VDR: variants seen among roughly 807,000 people sequenced by gnomAD.
VDR encodes the protein vitamin D3 receptor.
VDR carries 19 observed loss-of-function variants against 39.7 expected under a neutral mutation model. That is an observed-to-expected ratio of 0.48 (90% confidence interval 0.33 to 0.70). The LOEUF is 0.70. VDR is among the 30% of genes least tolerant of loss of function. The pLI, the probability that VDR is intolerant of heterozygous loss-of-function variation, is 0.02. For synonymous variants in VDR, 242 were observed against 215.8 expected (o/e 1.12, Z -1.07); for missense variants, 442 against 570.5 (o/e 0.77, Z 2.29).
chr12:47,870,955 T>C (rs957088728), intron 3 of VDR, among the ~76,000 whole-genome samples: 3 of 152,072 alleles, frequency 2.0e-5, no homozygotes, highest in African/African-American at 7.2e-5. Context: ...TCTAAAGGAA[T>C]AAAAAGACCT....
At chr12:47,901,654 CTGTGGGATAG>C (rs1264318732) in intron 1 of VDR, 1 of 153,184 alleles carries the variant, frequency 6.5e-6, no homozygotes, top group Admixed American at 6.5e-5. Context: ...GCCAGACTTT[CTGTGGGATAG>C]TGTGGTCCCC....
chr12:47,855,668 T>C lies in VDR; in HGVS notation c.717A>G (p.Gln239=). The C allele has an allele frequency of 6.2e-7, 1 of 1,614,156 alleles. No homozygotes were observed. Among genetic ancestry groups the C allele is most frequent in the Non-Finnish European group, 8.5e-7 (1 of 1,180,028 alleles). ...TCATCTTAGCAAAGCCAATGACCTT[T>C]TGGATGCTGTAACTGACCAGGTCAG... ...HLADLVSYSI[Q]KVIGFAKMIP... Residue 239 remains glutamine (Q), a synonymous_variant, in exon 7 of 10, where the codon CAA becomes CAG. Transcript: ENST00000549336.
At chr12:47,892,040 C>T (rs907227435) in intron 1 of VDR, among the ~76,000 whole-genome samples, 3 of 152,216 alleles carry the variant, frequency 2.0e-5, no homozygotes, top group Non-Finnish European at 4.4e-5. Context: ...TGCCCCTTCA[C>T]CTAGACATGG....
chr12:47,864,539 G>T (rs1221323938), intron 4 of VDR, among the ~76,000 whole-genome samples: 2 of 152,132 alleles, frequency 1.3e-5, no homozygotes, highest in Non-Finnish European at 2.9e-5. Context: ...GGCTGGGGTG[G>T]GACAGAACGT....
intron 4 of VDR, among the ~76,000 whole-genome samples, chr12:47,861,260 G>A (rs552149613): frequency 6.6e-6 from 1 of 152,266 alleles, no homozygotes; most frequent in Non-Finnish European, 1.5e-5. Flanking sequence ...CACAAAGCTT[G>A]TAAATTACCC....
Position 47,870,281 on chromosome 12 carries a change from A to T in VDR, c.147-5104T>A, listed in dbSNP as rs560967213. On this transcript the variant is annotated intron_variant, in intron 3 of 9. Coordinates refer to ENST00000549336, the MANE Select transcript of VDR (RefSeq NM_000376.3). ...GGAGTCAGGGCAGCCAGACTGCCCA[A>T]CCCTGGCTCTGTGCTTTGTCCTGAA... Among the ~76,000 whole-genome samples, 10 of 152,112 alleles carry T rather than the reference A, an allele frequency of 6.6e-5. No individual in the cohort carries two copies. In the South Asian group the frequency reaches 2.1e-3, roughly 32 times the overall value.
intron 3 of VDR, among the ~76,000 whole-genome samples, chr12:47,867,364 GA>G (rs1328687122): frequency 6.6e-6 from 1 of 151,616 alleles, no homozygotes; most frequent in Non-Finnish European, 1.5e-5. Flanking sequence ...AAAAAAAAAA[GA>G]AAGAAAAGAA....
rs11332250 is a variant in VDR, at chr12:47,871,466, C to CTT, written c.147-6291_147-6290dup. On this transcript the variant is annotated intron_variant, in intron 3 of 9. Transcript: ENST00000549336. ...CCTTCCTTCTTTTCTCTCTTTCTTT[C>CTT]TTTTTTTTTTTTTTCTGGATGGAAT... 7.2e-3 allele frequency among the ~76,000 whole-genome samples: 819 copies of CTT among 114,488 alleles called. 42 individuals are homozygous for CTT. The highest frequency in any genetic ancestry group is 0.027 in the African/African-American group (768 of 28,486). 75.1% of individuals were successfully genotyped at this position (114,488 alleles called of 152,430 possible).
Position 47,879,245 on chromosome 12 carries a change from G to C in VDR, c.-2-130C>G, listed in dbSNP as rs930283114. ...CCCCACCACCAGGGAGCTCAGCAAG[G>C]GTGGGCATCTCCCCAGGGCCCAGGC... On this transcript the variant is annotated intron_variant, in intron 2 of 9. Coordinates refer to ENST00000549336, the MANE Select transcript of VDR (RefSeq NM_000376.3). 3 of 1,158,620 alleles carry C rather than the reference G, an allele frequency of 2.6e-6. No individual in the cohort carries two copies. In the African/African-American group the frequency reaches 4.8e-5, roughly 18 times the overall value. 71.8% of individuals were successfully genotyped at this position (1,158,620 alleles called of 1,614,324 possible).
At chr12:47,890,589 C>T (rs1013953955) in intron 1 of VDR, among the ~76,000 whole-genome samples, 41 of 152,122 alleles carry the variant, frequency 2.7e-4, no homozygotes, top group African/African-American at 9.4e-4. Context: ...GACAGGCTGT[C>T]TTGCTTCTCC....
chr12:47,894,368 C>G (rs1385467891), intron 1 of VDR, among the ~76,000 whole-genome samples: 2 of 152,222 alleles, frequency 1.3e-5, no homozygotes, highest in Non-Finnish European at 1.5e-5. Flanking sequence ...AAGAAGGAAT[C>G]TGATGGACTA....
rs981274948 is a variant in VDR, at chr12:47,867,652, G to A, written c.147-2475C>T. ...CATAGTTAGATGGGGAAAGATGGTG[G>A]CAGAATCACTGTCTGCATGAGCAGC... On this transcript the variant is annotated intron_variant, in intron 3 of 9. Transcript: ENST00000549336. Among the ~76,000 whole-genome samples, 3 of 152,172 alleles carry A rather than the reference G, an allele frequency of 2.0e-5. No homozygotes were observed. The East Asian group carries it at 5.8e-4, about 29-fold the overall frequency.
At chr12:47,878,556 T>A (rs570210548) in intron 3 of VDR, among the ~76,000 whole-genome samples, 1 of 152,100 alleles carries the variant, frequency 6.6e-6, no homozygotes, top group Non-Finnish European at 1.5e-5. Context: ...ACAGTTTGGA[T>A]TGGATGGGAA....
intron 1 of VDR, among the ~76,000 whole-genome samples, chr12:47,895,617 C>A (rs958441244): frequency 2.6e-5 from 4 of 152,158 alleles, no homozygotes; most frequent in Non-Finnish European, 4.4e-5. Context: ...TAAAAAAAAA[C>A]TACCAGAGGA....
At chr12:47,888,499 C>T (rs1946303567) in intron 1 of VDR, among the ~76,000 whole-genome samples, 1 of 152,186 alleles carries the variant, frequency 6.6e-6, no homozygotes, top group African/African-American at 2.4e-5. Flanking sequence ...GATAGATTTC[C>T]ACTTCTTATC....
chr12:47,863,319 A>T (rs1801925449), intron 4 of VDR, among the ~76,000 whole-genome samples: 1 of 152,166 alleles, frequency 6.6e-6, no homozygotes, highest in Admixed American at 6.5e-5. Context: ...TTAAGTCAGT[A>T]AGACATCCTC....
At chr12:47,904,816 C>A in intron 1 of VDR, 139 bp downstream of exon 1, 1 of 533,888 alleles carries the variant, frequency 1.9e-6, no homozygotes, top group East Asian at 3.2e-5. Flanking sequence ...CACGACAGCC[C>A]GGACCTCAGT....
intron 9 of VDR, 32 bp downstream of exon 9, chr12:47,846,303 G>T: frequency 8.2e-6 from 13 of 1,593,810 alleles, no homozygotes; most frequent in Non-Finnish European, 1.0e-5. Flanking sequence ...CGCTCCCCAG[G>T]TCCCTGAGCT....
At chr12:47,869,516 A>G in intron 3 of VDR, among the ~76,000 whole-genome samples, 1 of 130,818 alleles carries the variant, frequency 7.6e-6, no homozygotes. Context: ...AGCCTGGGGG[A>G]CAGAGCGAGA....
Sources: gnomAD v4.1 joint callset for allele counts (sites outside exome capture counted in the v4.1 genomes callset) on GRCh38, gnomAD v4.1.1 for gene constraint, MANE v1.5 for transcripts, NCBI Gene and HGNC (gene_info 2026-07-23, HGNC 2026-07-21) for gene names.